Variants in SMYD3 observed in about 807,000 individuals in gnomAD.
The protein encoded by SMYD3 is histone-lysine N-methyltransferase SMYD3.
A neutral mutation model predicts 57.7 loss-of-function variants in SMYD3; 36 were observed. The ratio of observed to expected loss-of-function variants is 0.62; its 90% confidence interval spans 0.48 to 0.82. The LOEUF is 0.82. Ranked by LOEUF, SMYD3 falls within the 40% of genes least tolerant of loss-of-function variation. SMYD3 has a pLI of 0.00. For missense variants in SMYD3, 515 were observed against 538.8 expected, an observed-to-expected ratio of 0.96 and a Z score of 0.44; for synonymous variants, 211 against 195.0, an observed-to-expected ratio of 1.08 and a Z score of -0.68.
rs182098588 is a variant in SMYD3 at position 246,085,377 on chromosome 1, T to C, written c.532-155440A>G. ...AAATATGGTACTTTGGCATATTAGATATTTTAAGCTGAAGGATTTGAGAAA... is the reference window on the plus strand; with the variant it reads ...AAATATGGTACTTTGGCATATTAGACATTTTAAGCTGAAGGATTTGAGAAA... On this transcript the variant is annotated intron_variant, in intron 5 of 11. Coordinates refer to ENST00000490107, the MANE Select transcript of SMYD3 (RefSeq NM_001167740.2). Among the ~76,000 whole-genome samples the C allele has an allele frequency of 8.2e-4, 125 of 151,932 alleles. 1 individual carries two copies. Among genetic ancestry groups the C allele is most frequent in the Middle Eastern group, 6.8e-3 (2 of 294 alleles).
chr1:245,965,754 C>A (rs2058128113), intron 5 of SMYD3, among the ~76,000 whole-genome samples: 2 of 152,120 alleles, frequency 1.3e-5, no homozygotes, highest in African/African-American at 4.8e-5. Context: ...ACAGGTGGAA[C>A]ATGAAAGATT....
At chr1:246,306,811 G>A (rs1179788839) in intron 5 of SMYD3, among the ~76,000 whole-genome samples, 1 of 152,152 alleles carries the variant, frequency 6.6e-6, no homozygotes, top group Non-Finnish European at 1.5e-5. Flanking sequence ...ACTTGGCAAA[G>A]CCAATCCTAA....
chr1:246,463,127 A>G (rs1384729283), intron 1 of SMYD3, among the ~76,000 whole-genome samples: 1 of 152,160 alleles, frequency 6.6e-6, no homozygotes, highest in Non-Finnish European at 1.5e-5. Context: ...CATGCTAACA[A>G]TCTGAAGCCC....
intron 5 of SMYD3, among the ~76,000 whole-genome samples, chr1:246,180,394 C>A (rs2148283259): frequency 7.1e-6 from 1 of 140,160 alleles, no homozygotes; most frequent in Middle Eastern, 3.7e-3. Flanking sequence ...CTATCTTATA[C>A]CTTCCACTCA....
At chr1:246,281,011 A>G (rs1572331892) in intron 5 of SMYD3, among the ~76,000 whole-genome samples, 1 of 152,336 alleles carries the variant, frequency 6.6e-6, no homozygotes, top group Admixed American at 6.5e-5. Context: ...ATAGCCTATG[A>G]ATTTATTCTA....
chr1:245,871,931 A>G (rs1387912218), intron 8 of SMYD3, among the ~76,000 whole-genome samples: 1 of 152,242 alleles, frequency 6.6e-6, no homozygotes, highest in Non-Finnish European at 1.5e-5. Flanking sequence ...CAATGTAATC[A>G]ACAACCAACT....
intron 5 of SMYD3, among the ~76,000 whole-genome samples, chr1:246,069,650 G>A (rs943677692): frequency 2.0e-5 from 3 of 152,102 alleles, no homozygotes; most frequent in African/African-American, 7.2e-5. Flanking sequence ...GCTAAATCCC[G>A]GAAGACATCA....
chr1:245,851,365 C>A (rs1395023309), intron 10 of SMYD3, among the ~76,000 whole-genome samples: 2 of 152,154 alleles, frequency 1.3e-5, no homozygotes, highest in African/African-American at 2.4e-5. Flanking sequence ...GTGCCTGACC[C>A]AGGAATGTGA....
chr1:245,976,520 T>C (rs375172186), intron 5 of SMYD3, among the ~76,000 whole-genome samples: 46 of 20,318 alleles, frequency 2.3e-3, no homozygotes, highest in East Asian at 6.8e-3. Context: ...CCATCGTCTC[T>C]AGCCCAGGGA....
chr1:246,417,572 C>G (rs1275454007), intron 1 of SMYD3, among the ~76,000 whole-genome samples: 1 of 152,102 alleles, frequency 6.6e-6, no homozygotes, highest in African/African-American at 2.4e-5. Flanking sequence ...CGAGTTGAGT[C>G]TGTTCCTTGG....
intron 5 of SMYD3, among the ~76,000 whole-genome samples, chr1:246,146,474 G>A (rs902025986): frequency 2.8e-4 from 42 of 152,098 alleles, no homozygotes; most frequent in African/African-American, 9.2e-4. Context: ...CTCCTTCTCC[G>A]CCAAGTGCCA....
At chr1:245,878,226 A>C (rs1309768124) in intron 8 of SMYD3, among the ~76,000 whole-genome samples, 1 of 152,226 alleles carries the variant, frequency 6.6e-6, no homozygotes, top group Non-Finnish European at 1.5e-5. Context: ...TTCACAGATT[A>C]AACAGGAAAC....
chr1:246,058,761 A>G (rs1173320088), intron 5 of SMYD3, among the ~76,000 whole-genome samples: 1 of 152,220 alleles, frequency 6.6e-6, no homozygotes, highest in Non-Finnish European at 1.5e-5. Context: ...AACAATAAAA[A>G]TTGTTGGAAA....
intron 1 of SMYD3, among the ~76,000 whole-genome samples, chr1:246,382,436 A>T (rs1163560920): frequency 6.6e-6 from 1 of 151,996 alleles, no homozygotes; most frequent in Non-Finnish European, 1.5e-5. Flanking sequence ...CTCAGAGTCC[A>T]GGCCTGCCTC....
At chr1:246,506,044 A>G (rs10737790) in intron 1 of SMYD3, among the ~76,000 whole-genome samples, 34,826 of 152,188 alleles carry the variant, frequency 0.23, 4,584 homozygotes, top group African/African-American at 0.38. Context: ...TCAAATGAGA[A>G]CAAAGTAAGA....
chr1:246,208,312 A>G (rs2063032710), intron 5 of SMYD3, among the ~76,000 whole-genome samples: 2 of 152,110 alleles, frequency 1.3e-5, no homozygotes, highest in South Asian at 2.1e-4. Context: ...GGTGAAGTGC[A>G]TTACGAGGAG....
intron 1 of SMYD3, among the ~76,000 whole-genome samples, chr1:246,485,172 C>T (rs935934223): frequency 6.6e-6 from 1 of 152,120 alleles, no homozygotes; most frequent in African/African-American, 2.4e-5. Context: ...AACTATTGCA[C>T]TAGTTACACC....
intron 8 of SMYD3, among the ~76,000 whole-genome samples, chr1:245,884,504 G>A (rs2052973051): frequency 1.3e-5 from 2 of 152,096 alleles, no homozygotes; most frequent in Admixed American, 1.3e-4. Flanking sequence ...GAGATTGGGT[G>A]GACCAGGTGT....
At chr1:246,329,058 T>C (rs2065412745) in intron 4 of SMYD3, among the ~76,000 whole-genome samples, 1 of 152,210 alleles carries the variant, frequency 6.6e-6, no homozygotes, top group African/African-American at 2.4e-5. Context: ...CCATGGTGTA[T>C]ATGTGCCATA....
Sources: gnomAD v4.1 joint callset for allele counts (sites outside exome capture counted in the v4.1 genomes callset) on GRCh38, gnomAD v4.1.1 for gene constraint, MANE v1.5 for transcripts, NCBI Gene and HGNC (gene_info 2026-07-23, HGNC 2026-07-21) for gene names.